The following PARPBP variants were observed in gnomAD, a reference collection of about 807,000 sequenced individuals.
The protein encoded by PARPBP is PCNA-interacting partner.
In PARPBP, 52 loss-of-function variants were observed where a neutral mutation model predicts 50.0. The observed-to-expected ratio is 1.04, with a 90% CI of 0.83 to 1.31. PARPBP has a LOEUF of 1.31. PARPBP is among the 50% of genes most tolerant of loss of function. The probability of loss-of-function intolerance (pLI) is 0.00; values close to 1 mark genes in which losing one functional copy is unlikely to be tolerated. For missense variants in PARPBP, 697 were observed against 672.0 expected, an observed-to-expected ratio of 1.04 and a Z score of -0.41; for synonymous variants, 244 against 232.1, an observed-to-expected ratio of 1.05 and a Z score of -0.47.
At chr12:102,138,555 C>A (rs1850600301) in intron 2 of PARPBP, among the ~76,000 whole-genome samples, 2 of 152,016 alleles carry the variant, frequency 1.3e-5, no homozygotes, top group Middle Eastern at 6.8e-3. Context: ...GTCATGAAGT[C>A]CTTGCTCATG....
intron 2 of PARPBP, among the ~76,000 whole-genome samples, chr12:102,129,825 A>G (rs898931378): frequency 6.6e-6 from 1 of 152,134 alleles, no homozygotes; most frequent in Non-Finnish European, 1.5e-5. Context: ...GCCCAAAGCA[A>G]TTTATATATT....
chr12:102,123,681 A>G (rs1881509190), intron 1 of PARPBP, among the ~76,000 whole-genome samples: 1 of 152,186 alleles, frequency 6.6e-6, no homozygotes, highest in Admixed American at 6.5e-5. Flanking sequence ...GGTTTGGCTT[A>G]AGAAACCAAA....
chr12:102,196,770 A>T lies in PARPBP; in HGVS notation c.*479A>T. On this transcript the variant is annotated 3_prime_UTR_variant, in exon 11 of 11. Transcript: ENST00000327680. ...ATCACACAAAATTTATTAAGAAAAA[A>T]AGAATGGATCTAGTATAACTAATTC... The T allele has an allele frequency of 1.6e-6, 2 of 1,270,708 alleles. No individual in the cohort carries two copies. Among genetic ancestry groups the T allele is most frequent in the South Asian group, 2.4e-5 (2 of 82,110 alleles). 78.7% of individuals were successfully genotyped at this position (1,270,708 alleles called of 1,614,324 possible).
chr12:102,188,302 A>G (rs971022069), intron 9 of PARPBP, among the ~76,000 whole-genome samples: 3 of 151,778 alleles, frequency 2.0e-5, no homozygotes, highest in African/African-American at 4.8e-5. Context: ...ATTTGGAAAT[A>G]AAGTGGGGTG....
At chr12:102,195,870 T>G (rs1891261488) in intron 10 of PARPBP, 81 bp from the exon 11 acceptor site, 1 of 881,702 alleles carries the variant, frequency 1.1e-6, no homozygotes, top group Non-Finnish European at 1.7e-6. Context: ...TTAGCCATTT[T>G]TAAAGTTTAT....
At chr12:102,136,390 C>G (rs1218426775) in intron 2 of PARPBP, among the ~76,000 whole-genome samples, 1 of 152,120 alleles carries the variant, frequency 6.6e-6, no homozygotes, top group East Asian at 1.9e-4. Context: ...TTCAAATCAC[C>G]TCCTTTCATT....
chr12:102,120,549 C>T, intron 1 of PARPBP: 1 of 455,158 alleles, frequency 2.2e-6, no homozygotes, highest in Non-Finnish European at 4.4e-6. Context: ...GCCTGCTTAA[C>T]TTCCATTAGT....
chr12:102,173,717 A>T (rs1888980487), intron 6 of PARPBP, among the ~76,000 whole-genome samples: 1 of 151,646 alleles, frequency 6.6e-6, no homozygotes, highest in Non-Finnish European at 1.5e-5. Context: ...GTCCTCTTCC[A>T]CCTTGCTGCT....
intron 3 of PARPBP, among the ~76,000 whole-genome samples, chr12:102,150,524 A>G (rs1378957371): frequency 2.0e-5 from 3 of 152,234 alleles, no homozygotes; most frequent in Admixed American, 2.0e-4. Flanking sequence ...AATTTTGGGA[A>G]TGTGGTCACT....
At chr12:102,134,201 C>A (rs1183744266) in intron 2 of PARPBP, among the ~76,000 whole-genome samples, 3 of 90,432 alleles carry the variant, frequency 3.3e-5, no homozygotes, top group African/African-American at 1.4e-4. Flanking sequence ...ACAAAATCAA[C>A]AAACCTTTAG....
chr12:102,129,087 T>C (rs1882454116), intron 2 of PARPBP, among the ~76,000 whole-genome samples: 1 of 152,208 alleles, frequency 6.6e-6, no homozygotes, highest in South Asian at 2.1e-4. Context: ...TGGCAATTTG[T>C]GTGTCTTCTT....
chr12:102,175,413 T>C, intron 6 of PARPBP, 70 bp from the exon 7 acceptor site: 1 of 964,370 alleles, frequency 1.0e-6, no homozygotes. Context: ...CTGAAAATTA[T>C]ATTTTCAAGT....
intron 2 of PARPBP, among the ~76,000 whole-genome samples, chr12:102,141,789 T>C (rs1884644100): frequency 6.6e-6 from 1 of 152,330 alleles, no homozygotes; most frequent in South Asian, 2.1e-4. Flanking sequence ...AAAATTCTTT[T>C]CTTTAAGAAT....
At chr12:102,184,641 G>A (rs1890146274) in intron 9 of PARPBP, among the ~76,000 whole-genome samples, 1 of 152,164 alleles carries the variant, frequency 6.6e-6, no homozygotes, top group Non-Finnish European at 1.5e-5. Context: ...TTACTTAACA[G>A]TAGAGCTGAC....
At chr12:102,135,835 G>C (rs1433639120) in intron 2 of PARPBP, among the ~76,000 whole-genome samples, 1 of 152,074 alleles carries the variant, frequency 6.6e-6, no homozygotes, top group Non-Finnish European at 1.5e-5. Flanking sequence ...ATAATTTGGG[G>C]GTGGAGTGAT....
intron 10 of PARPBP, 78 bp from the exon 11 acceptor site, chr12:102,195,873 A>T: frequency 1.1e-6 from 1 of 893,944 alleles, no homozygotes; most frequent in Non-Finnish European, 1.7e-6. Context: ...GCCATTTTTA[A>T]AGTTTATTGT....
chr12:102,132,818 C>T (rs183119670), intron 2 of PARPBP, among the ~76,000 whole-genome samples: 52 of 152,172 alleles, frequency 3.4e-4, no homozygotes, highest in African/African-American at 1.2e-3. Context: ...CTTGTGTCTT[C>T]TTTAATTTCT....
intron 2 of PARPBP, among the ~76,000 whole-genome samples, chr12:102,144,733 A>G (rs1267672407): frequency 1.3e-5 from 2 of 152,158 alleles, no homozygotes; most frequent in Non-Finnish European, 2.9e-5. Context: ...TTTTTGAGAT[A>G]AAACAGTTTA....
At chr12:102,170,905 C>CTTTTTTTTTTTTTTTTTT (rs56390964) in intron 6 of PARPBP, among the ~76,000 whole-genome samples, 3 of 113,310 alleles carry the variant, frequency 2.6e-5, no homozygotes, top group Non-Finnish European at 3.7e-5. Flanking sequence ...TTTAATTTTT[C>CTTTTTTTTTTTTTTTTTT]TTTTTTTTTT....
Sources: gnomAD v4.1 joint callset for allele counts (sites outside exome capture counted in the v4.1 genomes callset) on GRCh38, gnomAD v4.1.1 for gene constraint, MANE v1.5 for transcripts, NCBI Gene and HGNC (gene_info 2026-07-23, HGNC 2026-07-21) for gene names.